Variants in B3GALT1 observed in about 807,000 individuals in gnomAD.
B3GALT1 encodes the protein beta-1,3-galactosyltransferase 1.
In B3GALT1, 10 loss-of-function variants were observed where a neutral mutation model predicts 23.2. The observed-to-expected ratio is 0.43, with a 90% CI of 0.27 to 0.73. B3GALT1 has a LOEUF of 0.73. B3GALT1 is among the 30% of genes least tolerant of loss of function. The pLI is 0.21. For synonymous variants in B3GALT1, 156 were observed against 141.5 expected, an observed-to-expected ratio of 1.10 and a Z score of -0.73; for missense variants, 299 against 405.4, an observed-to-expected ratio of 0.74 and a Z score of 2.25.
Position 167,531,553 on chromosome 2 carries a change from A to C in B3GALT1, c.-410+41276A>C, listed in dbSNP as rs77173939. ...GATTCAATTATTTCTTTCTTTAACTACTACACAGCTTACTTCTGATCATAA... is the reference window on the plus strand; with the variant it reads ...GATTCAATTATTTCTTTCTTTAACTCCTACACAGCTTACTTCTGATCATAA... On this transcript the variant is annotated intron_variant, in intron 2 of 4. Coordinates refer to ENST00000392690, the MANE Select transcript of B3GALT1 (RefSeq NM_020981.4). 1.0e-3 allele frequency among the ~76,000 whole-genome samples: 154 copies of C among 152,268 alleles called. 1 individual carries two copies. The highest frequency in any genetic ancestry group is 3.4e-3 in the African/African-American group (142 of 41,550).
intron 1 of B3GALT1, among the ~76,000 whole-genome samples, chr2:167,363,773 T>C (rs1215286409): frequency 6.6e-6 from 1 of 152,186 alleles, no homozygotes; most frequent in African/African-American, 2.4e-5. Context: ...TTTCCATCTC[T>C]GATTCCCAAC....
chr2:167,485,677 G>A (rs1158693939), intron 1 of B3GALT1, among the ~76,000 whole-genome samples: 2 of 152,140 alleles, frequency 1.3e-5, no homozygotes, highest in African/African-American at 2.4e-5. Flanking sequence ...CCACATCCTA[G>A]GAGCTAAATA....
chr2:167,324,317 A>G (rs150204991), intron 1 of B3GALT1, among the ~76,000 whole-genome samples: 3,879 of 152,124 alleles, frequency 0.025, 80 homozygotes, highest in Non-Finnish European at 0.038. Context: ...AGGTATATAG[A>G]TAGAAAATCT....
At position 167,870,701 on chromosome 2, in the gene B3GALT1, ATTTT is replaced by A. The variant is rs150091257; in HGVS notation, c.*688_*691del. On this transcript the variant is annotated 3_prime_UTR_variant, in exon 5 of 5. Transcript: ENST00000392690. ...TGCTACTTAACAAAGTAAACAAAAG[ATTTT>A]TTTTTTCTTTTTTTTTCTTTCTTTT... is the stretch of plus-strand genomic sequence containing the variant. 9 of 163,990 alleles carry A rather than the reference ATTTT, an allele frequency of 5.5e-5. No homozygotes were observed. Among genetic ancestry groups the A allele is most frequent in the Admixed American group, 4.0e-4 (6 of 14,974 alleles). 10.2% of individuals were successfully genotyped at this position (163,990 alleles called of 1,614,324 possible).
chr2:167,728,548 C>A (rs1687356785), intron 3 of B3GALT1, among the ~76,000 whole-genome samples: 1 of 152,194 alleles, frequency 6.6e-6, no homozygotes, highest in African/African-American at 2.4e-5. Flanking sequence ...TCTTTTATAG[C>A]TACATTTGCT....
intron 3 of B3GALT1, among the ~76,000 whole-genome samples, chr2:167,707,800 G>A (rs563356556): frequency 1.7e-3 from 259 of 152,302 alleles, no homozygotes; most frequent in Non-Finnish European, 2.8e-3. Context: ...GGGCCTCTTT[G>A]GAGGGCCATT....
intron 1 of B3GALT1, among the ~76,000 whole-genome samples, chr2:167,344,492 A>G (rs971714989): frequency 2.6e-5 from 4 of 152,176 alleles, no homozygotes; most frequent in African/African-American, 7.2e-5. Flanking sequence ...GATGAATGCA[A>G]TGACAATTTG....
Position 167,766,533 on chromosome 2 carries a change from G to A in B3GALT1, c.-351-52139G>A, listed in dbSNP as rs1228073198. Among the ~76,000 whole-genome samples the A allele has an allele frequency of 4.6e-5, 7 of 152,260 alleles. No homozygotes were observed. The East Asian group carries it at 1.2e-3, about 25-fold the overall frequency. On this transcript the variant is annotated intron_variant, in intron 3 of 4. Transcript: ENST00000392690. The stretch of plus-strand genomic sequence containing the variant: ...ACGCCTAAAGAACTGAGGGTCCTGG[G>A]AATTTAACCATGCCAATGCAATATT...
intron 1 of B3GALT1, among the ~76,000 whole-genome samples, chr2:167,361,448 C>T (rs1697498660): frequency 6.6e-6 from 1 of 152,068 alleles, no homozygotes; most frequent in South Asian, 2.1e-4. Context: ...TCAGGGGATC[C>T]AGCAAAAGCT....
intron 2 of B3GALT1, among the ~76,000 whole-genome samples, chr2:167,537,862 C>T (rs969528933): frequency 2.6e-4 from 37 of 140,284 alleles, no homozygotes; most frequent in African/African-American, 9.6e-4. Flanking sequence ...CTCATTCTGT[C>T]GCCCAGGCTT....
intron 3 of B3GALT1, among the ~76,000 whole-genome samples, chr2:167,765,550 A>G (rs1432839896): frequency 1.3e-5 from 2 of 152,200 alleles, no homozygotes; most frequent in East Asian, 3.9e-4. Flanking sequence ...TTTATTTCTA[A>G]ACAATTGGGT....
At chr2:167,836,860 G>C (rs1389904161) in intron 4 of B3GALT1, among the ~76,000 whole-genome samples, 1 of 152,190 alleles carries the variant, frequency 6.6e-6, no homozygotes, top group Non-Finnish European at 1.5e-5. Context: ...AGAAGAGAGT[G>C]GGGGCCAATA....
At chr2:167,433,621 A>C (rs1193619881) in intron 1 of B3GALT1, among the ~76,000 whole-genome samples, 1 of 152,216 alleles carries the variant, frequency 6.6e-6, no homozygotes, top group African/African-American at 2.4e-5. Flanking sequence ...AGCAATTAAG[A>C]GCAAAAACTA....
intron 3 of B3GALT1, among the ~76,000 whole-genome samples, chr2:167,797,007 G>T (rs1338755177): frequency 6.6e-6 from 1 of 152,078 alleles, no homozygotes; most frequent in Non-Finnish European, 1.5e-5. Flanking sequence ...AGGTACATGT[G>T]CAGGACGTGC....
Position 167,781,410 on chromosome 2 carries a change from G to A in B3GALT1, c.-351-37262G>A, listed in dbSNP as rs375588512. On this transcript the variant is annotated intron_variant, in intron 3 of 4. Transcript: ENST00000392690. ...TTCACAGGAACTTTCTCAAAGCCAG[G>A]GGTTCATCTCCTGTTTCTATTTAAA... Among the ~76,000 whole-genome samples, 26 of 152,232 alleles carry A rather than the reference G, an allele frequency of 1.7e-4. No homozygotes were observed. The East Asian group carries it at 4.4e-3, about 26-fold the overall frequency.
At chr2:167,805,264 C>T (rs1379611060) in intron 3 of B3GALT1, among the ~76,000 whole-genome samples, 1 of 151,972 alleles carries the variant, frequency 6.6e-6, no homozygotes, top group African/African-American at 2.4e-5. Context: ...AAATTTTCTC[C>T]CATTCTGTAG....
At chr2:167,426,686 T>G (rs1698628615) in intron 1 of B3GALT1, among the ~76,000 whole-genome samples, 2 of 152,170 alleles carry the variant, frequency 1.3e-5, no homozygotes, top group Admixed American at 1.3e-4. Context: ...GATAAATAAA[T>G]GCAAATAATG....
intron 1 of B3GALT1, among the ~76,000 whole-genome samples, chr2:167,364,635 A>G (rs996594653): frequency 2.6e-5 from 4 of 152,194 alleles, no homozygotes; most frequent in African/African-American, 7.2e-5. Context: ...GATGGTTTCC[A>G]GCGTCATCCA....
At chr2:167,565,986 C>A (rs553866767) in intron 2 of B3GALT1, among the ~76,000 whole-genome samples, 1 of 152,152 alleles carries the variant, frequency 6.6e-6, no homozygotes, top group South Asian at 2.1e-4. Context: ...TTTGACCCAG[C>A]CATCCCATGA....
Sources: allele counts gnomAD v4.1 joint callset (sites outside exome capture counted in the v4.1 genomes callset), GRCh38; gene constraint gnomAD v4.1.1; transcripts MANE v1.5; gene names NCBI Gene and HGNC (gene_info 2026-07-23, HGNC 2026-07-21).